CWC27: variants seen among roughly 807,000 people sequenced by gnomAD.
CWC27 encodes spliceosome-associated protein CWC27 homolog.
A neutral mutation model predicts 63.6 loss-of-function variants in CWC27; 47 were observed. The observed-to-expected ratio is 0.74, with a 90% CI of 0.58 to 0.94. CWC27 has a LOEUF of 0.94. Among genes scored for constraint, CWC27 ranks in the 40% least tolerant of loss-of-function variants. The pLI is 0.00. For missense variants in CWC27, 495 were observed against 554.3 expected, an observed-to-expected ratio of 0.89 and a Z score of 1.07; for synonymous variants, 175 against 179.8, an observed-to-expected ratio of 0.97 and a Z score of 0.22.
intron 11 of CWC27, among the ~76,000 whole-genome samples, chr5:64,938,547 T>G (rs1377954279): frequency 6.6e-6 from 1 of 152,172 alleles, no homozygotes; most frequent in Non-Finnish European, 1.5e-5. Context: ...ATTTTTTCCT[T>G]CATTTCATCC....
At chr5:64,835,074 T>C (rs1485423262) in intron 10 of CWC27, among the ~76,000 whole-genome samples, 1 of 151,770 alleles carries the variant, frequency 6.6e-6, no homozygotes, top group African/African-American at 2.4e-5. Context: ...ATAAAAAATA[T>C]TTTTTCTTAC....
At chr5:64,980,513 C>T (rs1418334570) in intron 13 of CWC27, among the ~76,000 whole-genome samples, 1 of 152,234 alleles carries the variant, frequency 6.6e-6, no homozygotes, top group South Asian at 2.1e-4. Flanking sequence ...GAATAGGCTT[C>T]GATCTTATGC....
At chr5:64,999,242 T>G (rs1172750113) in intron 13 of CWC27, among the ~76,000 whole-genome samples, 3 of 152,148 alleles carry the variant, frequency 2.0e-5, no homozygotes, top group Non-Finnish European at 4.4e-5. Context: ...CCCTCCCTTT[T>G]TTGTTGATAA....
chr5:64,935,038 T>C (rs1748318150), intron 11 of CWC27, among the ~76,000 whole-genome samples: 1 of 152,234 alleles, frequency 6.6e-6, no homozygotes. Context: ...AAAAATTCTC[T>C]CCCATTCTGT....
intron 13 of CWC27, among the ~76,000 whole-genome samples, chr5:64,999,886 A>T (rs1561184642): frequency 6.6e-6 from 1 of 151,942 alleles, no homozygotes; most frequent in African/African-American, 2.4e-5. Flanking sequence ...TGGTAGCTCT[A>T]TTTTTACCTT....
intron 13 of CWC27, among the ~76,000 whole-genome samples, chr5:64,990,213 T>A (rs1749507856): frequency 6.6e-6 from 1 of 152,016 alleles, no homozygotes; most frequent in Non-Finnish European, 1.5e-5. Context: ...TTATGTAGCC[T>A]TTATCAGAGC....
intron 2 of CWC27, among the ~76,000 whole-genome samples, chr5:64,779,831 G>T (rs1040857427): frequency 1.3e-5 from 2 of 152,134 alleles, no homozygotes; most frequent in Admixed American, 6.6e-5. Context: ...TTGTGATAAT[G>T]AGTGAGTCTC....
intron 10 of CWC27, chr5:64,808,152 C>G: frequency 3.8e-6 from 4 of 1,049,124 alleles, no homozygotes; most frequent in Non-Finnish European, 3.5e-6. Flanking sequence ...TACCGAGTCT[C>G]AGGCCCTGTC....
At chr5:64,892,716 A>G (rs1010006261) in intron 11 of CWC27, among the ~76,000 whole-genome samples, 1 of 152,112 alleles carries the variant, frequency 6.6e-6, no homozygotes, top group South Asian at 2.1e-4. Context: ...ATAGAGGATG[A>G]TGGATGTAAA....
intron 10 of CWC27, among the ~76,000 whole-genome samples, chr5:64,809,399 G>T (rs185726303): frequency 6.6e-6 from 1 of 151,958 alleles, no homozygotes; most frequent in Non-Finnish European, 1.5e-5. Context: ...ACGCAGTCTC[G>T]CTCTGTTGCC....
At chr5:64,967,333 G>T (rs1749036504) in intron 11 of CWC27, among the ~76,000 whole-genome samples, 1 of 151,942 alleles carries the variant, frequency 6.6e-6, no homozygotes, top group African/African-American at 2.4e-5. Flanking sequence ...ATTCACTATT[G>T]TTAAGATTGC....
chr5:64,907,264 G>C (rs1178053750), intron 11 of CWC27, among the ~76,000 whole-genome samples: 1 of 152,152 alleles, frequency 6.6e-6, no homozygotes, highest in Non-Finnish European at 1.5e-5. Context: ...GGGCAGTATG[G>C]CCATTTTCAC....
chr5:64,889,359 G>A (rs768994469), intron 11 of CWC27, among the ~76,000 whole-genome samples: 4 of 152,144 alleles, frequency 2.6e-5, no homozygotes, highest in Non-Finnish European at 4.4e-5. Context: ...TATGGTAACT[G>A]TATTATTTTT....
intron 12 of CWC27, among the ~76,000 whole-genome samples, chr5:64,973,251 C>A (rs1749157276): frequency 6.6e-6 from 1 of 152,136 alleles, no homozygotes; most frequent in Non-Finnish European, 1.5e-5. Context: ...ATCCTAAAGG[C>A]CATGGGGAAC....
chr5:64,802,008 A>C (rs2112209626), intron 9 of CWC27, among the ~76,000 whole-genome samples: 1 of 152,340 alleles, frequency 6.6e-6, no homozygotes, highest in South Asian at 2.1e-4. Context: ...AGTAGTAGAT[A>C]GAGAGAGGAT....
chr5:64,834,014 T>G (rs929499726), intron 10 of CWC27, among the ~76,000 whole-genome samples: 1 of 151,238 alleles, frequency 6.6e-6, no homozygotes, highest in Non-Finnish European at 1.5e-5. Flanking sequence ...ATGTATAGTA[T>G]CACTAAACAT....
In CWC27 at chr5:64,769,196, C is replaced by T. The variant is rs771558152; in HGVS notation, c.42+8C>T. On this transcript the variant is annotated splice_region_variant and intron_variant, in intron 1 of 13. Transcript: ENST00000381070. ...CCTCCCACGAATGGGAAGGTGAGAGCCTCATCTAGGGAACTTGGGGTCCTG... is the reference window on the plus strand; with the variant it reads ...CCTCCCACGAATGGGAAGGTGAGAGTCTCATCTAGGGAACTTGGGGTCCTG... The T allele has an allele frequency of 1.2e-6, 2 of 1,613,736 alleles. No homozygotes were observed. The highest frequency in any genetic ancestry group is 3.3e-5 in the Admixed American group (2 of 60,024).
chr5:64,806,452 A>G (rs1042321283), intron 10 of CWC27, among the ~76,000 whole-genome samples: 2 of 152,168 alleles, frequency 1.3e-5, no homozygotes, highest in Non-Finnish European at 2.9e-5. Flanking sequence ...AATGGTGCAG[A>G]CAGCACACAT....
At chr5:64,837,660 T>C (rs1745691700) in intron 10 of CWC27, among the ~76,000 whole-genome samples, 2 of 151,986 alleles carry the variant, frequency 1.3e-5, no homozygotes, top group African/African-American at 4.8e-5. Context: ...TTTACCATTT[T>C]ACCACTGTAT....
Sources: allele counts gnomAD v4.1 joint callset (sites outside exome capture counted in the v4.1 genomes callset), GRCh38; gene constraint gnomAD v4.1.1; transcripts MANE v1.5; gene names NCBI Gene and HGNC (gene_info 2026-07-23, HGNC 2026-07-21).